The following TUBA8 variants were observed in gnomAD, a reference collection of about 807,000 sequenced individuals.
TUBA8 encodes the protein tubulin alpha-8 chain.
Under a neutral mutation model 34.7 loss-of-function variants are expected in TUBA8, and 29 were observed. The observed-to-expected ratio is 0.84, with a 90% CI of 0.62 to 1.14. The LOEUF (loss-of-function observed/expected upper bound fraction) is 1.14. Ranked by LOEUF, TUBA8 falls within the 50% of genes most tolerant of loss-of-function variation. The probability of loss-of-function intolerance (pLI) is 0.00; values close to 1 mark genes in which losing one functional copy is unlikely to be tolerated. For synonymous variants in TUBA8, 226 were observed against 231.2 expected (o/e 0.98, Z 0.21); for missense variants, 541 against 599.2 (o/e 0.90, Z 1.01).
intron 3 of TUBA8, chr22:18,125,469 T>G (rs1298153023): frequency 1.4e-5 from 2 of 142,820 alleles, no homozygotes; most frequent in Non-Finnish European, 3.0e-5. Flanking sequence ...GAACCAAGAT[T>G]GCACCACTGC....
rs1928140721 is a variant in TUBA8, at chr22:18,121,404, A to C, written c.4-75A>C. 7.4e-7 allele frequency: 1 copy of C among 1,351,572 alleles called. No homozygotes were observed. Among genetic ancestry groups the C allele is most frequent in the Non-Finnish European group, 1.1e-6 (1 of 941,516 alleles). 83.7% of individuals were successfully genotyped at this position (1,351,572 alleles called of 1,614,324 possible). ...GGGGCCTGGCTGGCCTGCAAGGTGAATGTTATGGGGATGTAGGGCAAAGGC... is the reference window on the plus strand; with the variant it reads ...GGGGCCTGGCTGGCCTGCAAGGTGACTGTTATGGGGATGTAGGGCAAAGGC... On this transcript the variant is annotated intron_variant, in intron 1 of 4. Coordinates refer to ENST00000330423, the MANE Select transcript of TUBA8 (RefSeq NM_018943.3). The surrounding 1 kb of genome is among the most constrained non-coding windows in gnomAD (Gnocchi z 4.8).
At chr22:18,130,491 T>C in intron 4 of TUBA8, 1 of 351,250 alleles carries the variant, frequency 2.8e-6, no homozygotes, top group Non-Finnish European at 5.4e-6. Context: ...GGAACCACTG[T>C]AGCTCACTGC....
intron 1 of TUBA8, chr22:18,117,816 G>A (rs465276): frequency 0.5 from 74,110 of 146,810 alleles, 20,521 homozygotes; most frequent in African/African-American, 0.76. Context: ...AAAAAATTAA[G>A]AAAAAAAAAG....
At chr22:18,120,657 T>C (rs1236184112) in intron 1 of TUBA8, 3 of 152,270 alleles carry the variant, frequency 2.0e-5, no homozygotes, top group African/African-American at 7.2e-5. Context: ...ACAGGATTGC[T>C]GAGTGAAATG....
intron 4 of TUBA8, chr22:18,128,103 C>T (rs1262974621): frequency 1.3e-5 from 2 of 152,180 alleles, no homozygotes; most frequent in Admixed American, 6.5e-5. Context: ...TATGATGCCT[C>T]TCTCTAACAA....
intron 1 of TUBA8, chr22:18,116,269 T>C (rs1362145034): frequency 6.6e-6 from 1 of 152,178 alleles, no homozygotes; most frequent in African/African-American, 2.4e-5. Flanking sequence ...ACATTTCCTG[T>C]TTGGAGTTCT....
Position 18,126,278 on chromosome 22 carries a change from C to A in TUBA8, c.376-76C>A. ...AAAAATATGAGGCAGACAGAGTGGG[C>A]GGTCTGGCTTTTTTACTGTGGGGTG... On this transcript the variant is annotated intron_variant, in intron 3 of 4. Coordinates refer to ENST00000330423, the MANE Select transcript of TUBA8 (RefSeq NM_018943.3). This position sits in a 1 kb window ranked among gnomAD's most constrained non-coding sequence, Gnocchi z 4.0. 7.3e-7 allele frequency: 1 copy of A among 1,374,086 alleles called. No homozygotes were observed. Among genetic ancestry groups the A allele is most frequent in the Non-Finnish European group, 1.0e-6 (1 of 965,200 alleles). The allele number at this position is 1,374,086 out of a possible 1,614,324, so 85.1% of individuals were successfully genotyped here.
intron 1 of TUBA8, chr22:18,115,781 A>G (rs1019514418): frequency 1.3e-5 from 2 of 152,274 alleles, no homozygotes; most frequent in African/African-American, 2.4e-5. Context: ...GATTTGCTGT[A>G]GAAATGAGTA....
chr22:18,128,817 G>A (rs919382272), intron 4 of TUBA8: 8 of 152,304 alleles, frequency 5.3e-5, no homozygotes, highest in Admixed American at 1.3e-4. Flanking sequence ...AAAGCATTGG[G>A]ATTACAGGCG....
At position 18,118,831 on chromosome 22, in the gene TUBA8, TA is replaced by T. The variant is rs1277905957; in HGVS notation, c.4-2646del. On this transcript the variant is annotated intron_variant, in intron 1 of 4. Transcript: ENST00000330423. The surrounding 1 kb of genome is among the most constrained non-coding windows in gnomAD (Gnocchi z 4.0). ...ACTGGCATATGTATTAGTGTGAGAT[TA>T]ATGAGGGCATTAAAAGAGGCTAAAG... The T allele has an allele frequency of 6.6e-6, 1 of 152,214 alleles. No homozygotes were observed. Among genetic ancestry groups the T allele is most frequent in the Non-Finnish European group, 1.5e-5 (1 of 68,050 alleles). 9.4% of individuals were successfully genotyped at this position (152,214 alleles called of 1,614,324 possible).
At chr22:18,120,445 T>A (rs1928112901) in intron 1 of TUBA8, 1 of 152,236 alleles carries the variant, frequency 6.6e-6, no homozygotes, top group Non-Finnish European at 1.5e-5. Context: ...TCCATGTTGC[T>A]GCAAAGGATA....
rs968940125 is a variant in TUBA8, at chr22:18,131,375, G to A, written c.*239G>A. On this transcript the variant is annotated 3_prime_UTR_variant, in exon 5 of 5. Coordinates refer to ENST00000330423, the MANE Select transcript of TUBA8 (RefSeq NM_018943.3). The surrounding 1 kb of genome is among the most constrained non-coding windows in gnomAD (Gnocchi z 5.3). Reference sequence around the variant, plus strand: ...AAAGAAAGTGAGGGCCACTGTCTCCGGCGGGTGAGGCTGCAGCCCAGTTTC... The same window carrying A: ...AAAGAAAGTGAGGGCCACTGTCTCCAGCGGGTGAGGCTGCAGCCCAGTTTC... 1.1e-5 allele frequency: 6 copies of A among 529,164 alleles called. No homozygotes were observed. The highest frequency in any genetic ancestry group is 5.7e-5 in the African/African-American group (3 of 52,572). The allele number at this position is 529,164 out of a possible 1,614,324, so 32.8% of individuals were successfully genotyped here. A position where few individuals can be genotyped will look rare whatever the true frequency, so the allele number is the denominator to read the frequency against.
rs1483913698 is a variant in TUBA8 at position 18,110,972 on chromosome 22, G to A, written c.3+104G>A. 1 of 1,512,916 alleles carries A rather than the reference G, an allele frequency of 6.6e-7. No homozygotes were observed. Among genetic ancestry groups the A allele is most frequent in the Non-Finnish European group, 8.9e-7 (1 of 1,128,572 alleles). 93.7% of individuals were successfully genotyped at this position (1,512,916 alleles called of 1,614,324 possible). On this transcript the variant is annotated intron_variant, in intron 1 of 4. Transcript: ENST00000330423. This position sits in a 1 kb window ranked among gnomAD's most constrained non-coding sequence, Gnocchi z 6.2. ...CGGACCCGTCTTCCTGGAGCCGCAG[G>A]GCTCAAGGCCTTCTGGGGGTGGCAG... is the stretch of plus-strand genomic sequence containing the variant.
chr22:18,126,403 G>GT lies in TUBA8; in HGVS notation c.426dup (p.Gly143TrpfsTer69). 6.2e-7 allele frequency: 1 copy of GT among 1,614,052 alleles called. No individual in the cohort carries two copies. Among genetic ancestry groups the GT allele is most frequent in the South Asian group, 1.1e-5 (1 of 91,072 alleles). ...GGCTTCCTGATTTTCCACAGTTTTG[G>GT]TGGGGGCACTGGCTCCGGCTTCACT... On this transcript the variant is annotated frameshift_variant, in exon 4 of 5. Coordinates refer to ENST00000330423, the MANE Select transcript of TUBA8 (RefSeq NM_018943.3). LOFTEE classifies it high-confidence loss of function. This position sits in a 1 kb window ranked among gnomAD's most constrained non-coding sequence, Gnocchi z 4.0.
In TUBA8 at chr22:18,126,556, C is replaced by T. The variant is rs138855467; in HGVS notation, c.578C>T (p.Thr193Ile). The change falls in exon 4 of 5, where the codon ACC becomes ATC. Residue 193 changes from threonine to isoleucine, a missense_variant. Transcript: ENST00000330423. The surrounding 1 kb of genome is among the most constrained non-coding windows in gnomAD (Gnocchi z 4.0). Reference sequence around the variant, plus strand: ...TACAACTCCATCCTGACCACCCACACCACACTGGAACATTCAGATTGTGCT... The same window carrying T: ...TACAACTCCATCCTGACCACCCACATCACACTGGAACATTCAGATTGTGCT... Reference protein sequence around the residue: ...EPYNSILTTHTTLEHSDCAFM... With the variant: ...EPYNSILTTHITLEHSDCAFM... The T allele has an allele frequency of 1.2e-6, 2 of 1,614,186 alleles. No individual in the cohort carries two copies. Among genetic ancestry groups the T allele is most frequent in the Admixed American group, 1.7e-5 (1 of 60,020 alleles).
intron 1 of TUBA8, chr22:18,113,634 A>G (rs1927879213): frequency 2.0e-5 from 3 of 152,336 alleles, no homozygotes; most frequent in Admixed American, 2.0e-4. Context: ...TTCTGCCTGC[A>G]GCCTTCTGCA....
rs751121059 is a variant in TUBA8, at chr22:18,127,012, A to G, written c.1034A>G (p.Asp345Gly). The part of the protein sequence containing the change: ...IKTKRTIQFV[D>G]WCPTGFKVGI... Reference sequence around the variant, plus strand: ...ACCAAGAGGACCATCCAGTTTGTAGACTGGTGTCCCACAGGCTTCAAGGTG... The same window carrying G: ...ACCAAGAGGACCATCCAGTTTGTAGGCTGGTGTCCCACAGGCTTCAAGGTG... The change falls in exon 4 of 5, where the codon GAC (aspartate) becomes GGC (glycine). Residue 345 changes from aspartate to glycine, a missense_variant. Transcript: ENST00000330423. 6.2e-7 allele frequency: 1 copy of G among 1,614,154 alleles called. No homozygotes were observed. Among genetic ancestry groups the G allele is most frequent in the South Asian group, 1.1e-5 (1 of 91,078 alleles).
In TUBA8 at chr22:18,130,955, G is replaced by T; in HGVS notation, c.1169G>T (p.Arg390Leu). The change falls in exon 5 of 5, where the codon CGC becomes CTC. Residue 390 changes from arginine to leucine, a missense_variant. Arg to Leu is a moderately radical substitution (Grantham distance 102). Coordinates refer to ENST00000330423, the MANE Select transcript of TUBA8 (RefSeq NM_018943.3). Reference sequence around the variant, plus strand: ...ACGGCCATTGCGGAGGCCTGGGCCCGCCTCGACCACAAGTTCGACCTCATG... The same window carrying T: ...ACGGCCATTGCGGAGGCCTGGGCCCTCCTCGACCACAAGTTCGACCTCATG... ...NTTAIAEAWA[R>L]LDHKFDLMYA... 1.2e-6 allele frequency: 2 copies of T among 1,614,102 alleles called. No individual in the cohort carries two copies. The highest frequency in any genetic ancestry group is 1.7e-6 in the Non-Finnish European group (2 of 1,180,014).
intron 4 of TUBA8, 105 bp downstream of exon 4, chr22:18,127,139 G>C (rs1928356499): frequency 4.3e-6 from 5 of 1,174,036 alleles, no homozygotes; most frequent in Non-Finnish European, 6.1e-6. Context: ...GTGATGATAA[G>C]GGGAGGGGGA....
Sources: gnomAD v4.1 joint callset for allele counts on GRCh38, gnomAD v4.1.1 for gene constraint, Gnocchi (gnomAD v3.1) non-coding constraint, MANE v1.5 for transcripts, NCBI Gene and HGNC (gene_info 2026-07-23, HGNC 2026-07-21) for gene names.